TNK2: variants seen among roughly 807,000 people sequenced by gnomAD.
TNK2 encodes tyrosine kinase non receptor 2, also known as activated CDC42 kinase 1.
In TNK2, 83 loss-of-function variants were observed where a neutral mutation model predicts 101.8. The ratio of observed to expected loss-of-function variants is 0.82; its 90% CI spans 0.68 to 0.98. TNK2 has a LOEUF of 0.98. Ranked by LOEUF, TNK2 falls within the 50% of genes least tolerant of loss-of-function variation. TNK2 has a pLI of 0.00. For missense variants in TNK2, 1,665 were observed against 1,483.2 expected (o/e 1.12, Z -2.01); for synonymous variants, 804 against 633.0 (o/e 1.27, Z -4.06).
chr3:195,902,630 CA>C (rs371118941), intron 1 of TNK2, among the ~76,000 whole-genome samples: 13 of 89,856 alleles, frequency 1.4e-4, no homozygotes, highest in Non-Finnish European at 3.1e-4. Context: ...AAAAAAAAAA[CA>C]AAAAAAAACA....
intron 1 of TNK2, among the ~76,000 whole-genome samples, chr3:195,903,406 AC>A (rs1761423517): frequency 6.6e-6 from 1 of 152,174 alleles, no homozygotes; most frequent in Admixed American, 6.5e-5. Context: ...CAAGGTATCT[AC>A]CCTTCTATTC....
intron 9 of TNK2, among the ~76,000 whole-genome samples, chr3:195,873,202 G>A (rs1388026586): frequency 6.6e-6 from 1 of 152,200 alleles, no homozygotes; most frequent in African/African-American, 2.4e-5. Flanking sequence ...CAGACAGTAG[G>A]GCTGCCAGTC....
intron 9 of TNK2, among the ~76,000 whole-genome samples, chr3:195,873,282 A>C (rs1224169089): frequency 2.0e-5 from 3 of 152,134 alleles, no homozygotes. Flanking sequence ...GGGCAGGGGC[A>C]GGGGCAGGGG....
chr3:195,890,998 A>G (rs879305497), intron 1 of TNK2, among the ~76,000 whole-genome samples: 3 of 152,098 alleles, frequency 2.0e-5, no homozygotes, highest in Non-Finnish European at 4.4e-5. Flanking sequence ...AAATATTATT[A>G]CCTTCCTCTT....
chr3:195,904,263 A>G (rs532775309), intron 1 of TNK2, among the ~76,000 whole-genome samples: 1 of 109,176 alleles, frequency 9.2e-6, no homozygotes, highest in Non-Finnish European at 1.8e-5. Context: ...CCTTGTCTTT[A>G]AAAAAAAAAA....
chr3:195,868,412 C>T lies in TNK2; in HGVS notation c.1886G>A (p.Arg629Gln), dbSNP rs374257832. 5.7e-5 allele frequency: 90 copies of T among 1,571,490 alleles called. No individual in the cohort carries two copies. Among genetic ancestry groups the T allele is most frequent in the East Asian group, 3.4e-4 (15 of 44,110 alleles). Residue 629 changes from arginine to glutamine, a missense_variant, in exon 13 of 16, where the codon CGG (arginine) becomes CAG (glutamine). Physicochemically the swap from Arg to Gln is conservative, Grantham distance 43 (BLOSUM62 1). Around this residue, in one of 3 missense-constraint regions of TNK2, gnomAD observed 1,136 missense variants for 894.9 expected, o/e 1.27. Transcript: ENST00000672887. Reference protein sequence around the residue: ...PPQSPTRALPRPLHPTPVVDW... With the variant: ...PPQSPTRALPQPLHPTPVVDW... Reference sequence around the variant, plus strand: ...CACCACAGGCGTGGGGTGCAGGGGCCGGGGCAGTGCCCGCGTGGGGCTCTG... The same window carrying T: ...CACCACAGGCGTGGGGTGCAGGGGCTGGGGCAGTGCCCGCGTGGGGCTCTG...
intron 9 of TNK2, among the ~76,000 whole-genome samples, chr3:195,874,070 G>A (rs904795703): frequency 3.0e-4 from 45 of 152,190 alleles, no homozygotes; most frequent in African/African-American, 9.9e-4. Context: ...ACGGCGGCCC[G>A]TAGAGGAGGA....
chr3:195,899,605 T>C (rs527930134), intron 1 of TNK2, among the ~76,000 whole-genome samples: 80 of 152,344 alleles, frequency 5.3e-4, no homozygotes, highest in Admixed American at 1.2e-3. Context: ...GCTGAGATTA[T>C]AGGCGTGAGC....
At chr3:195,873,027 C>T (rs778920544) in intron 9 of TNK2, among the ~76,000 whole-genome samples, 21 of 152,166 alleles carry the variant, frequency 1.4e-4, no homozygotes, top group Admixed American at 2.0e-4. Flanking sequence ...CGAATGCAGA[C>T]GCGGGAGAGT....
intron 11 of TNK2, chr3:195,869,826 G>A (rs1476320118): frequency 5.3e-6 from 3 of 567,620 alleles, no homozygotes; most frequent in Non-Finnish European, 9.4e-6. Context: ...GGATTAGGGG[G>A]AAGTGAGGAA....
Position 195,872,402 on chromosome 3 carries a change from A to G in TNK2, c.1325T>C (p.Val442Ala), listed in dbSNP as rs1170403007. 6.2e-7 allele frequency: 1 copy of G among 1,613,238 alleles called. No individual in the cohort carries two copies. The highest frequency in any genetic ancestry group is 1.7e-5 in the Admixed American group (1 of 59,986). The stretch of plus-strand genomic sequence containing the variant: ...CGACAGGCCGGCCACGGAGGTCACC[A>G]CGTTGCGAGGGAAGGGCCCCACACA... ...TLCVGPFPRN[V>A]VTSVAGLSAQ... The change falls in exon 10 of 16, where the codon GTG becomes GCG. Residue 442 changes from valine (V) to alanine (A), a missense_variant. Physicochemically the swap from Val to Ala is moderately conservative, Grantham distance 64. This residue lies in a region of TNK2 where 1,136 missense variants were observed against 894.9 expected (regional missense o/e 1.27). Transcript: ENST00000672887.
At chr3:195,871,513 C>T (rs1021596225) in intron 10 of TNK2, among the ~76,000 whole-genome samples, 1 of 152,082 alleles carries the variant, frequency 6.6e-6, no homozygotes, top group East Asian at 1.9e-4. Context: ...AACCACTGCT[C>T]GTGTGCAGGG....
chr3:195,892,819 T>TCTCTCTCC lies in TNK2; in HGVS notation c.-18-4221_-18-4214dup, dbSNP rs1212968200. ...GGCCGCCCTCCCTCTTGCCTGCCTCTCTCTCTCCCTCTCTCCCTCCCTCCC... is the reference window on the plus strand; with the variant it reads ...GGCCGCCCTCCCTCTTGCCTGCCTCTCTCTCTCCCTCTCTCCCTCTCTCCCTCCCTCCC... On this transcript the variant is annotated intron_variant, in intron 1 of 15. Coordinates refer to ENST00000672887, the MANE Select transcript of TNK2 (RefSeq NM_001382273.1). 447 of 889,486 alleles carry TCTCTCTCC rather than the reference T, an allele frequency of 5.0e-4. 1 individual carries two copies. The highest frequency in any genetic ancestry group is 3.6e-3 in the Middle Eastern group (8 of 2,208). 55.1% of individuals were successfully genotyped at this position (889,486 alleles called of 1,614,324 possible).
chr3:195,870,887 G>T (rs144183552), intron 10 of TNK2, among the ~76,000 whole-genome samples: 9 of 152,330 alleles, frequency 5.9e-5, no homozygotes, highest in African/African-American at 1.9e-4. Flanking sequence ...GTGAGCTTGG[G>T]GTTCCAGTGT....
In TNK2 at chr3:195,886,505, G is replaced by A. The variant is rs1367739146; in HGVS notation, c.234+472C>T. ...GACCCAAATTAGGACAAGGTGTGGG[G>A]AGAGGTGGGGACAGGCTGTGGGGAA... On this transcript the variant is annotated intron_variant, in intron 3 of 15. Coordinates refer to ENST00000672887, the MANE Select transcript of TNK2 (RefSeq NM_001382273.1). The surrounding 1 kb of genome is among the most constrained non-coding windows in gnomAD (Gnocchi z 4.2). Among the ~76,000 whole-genome samples the A allele has an allele frequency of 6.6e-6, 1 of 152,168 alleles. No individual in the cohort carries two copies. The highest frequency in any genetic ancestry group is 2.4e-5 in the African/African-American group (1 of 41,446).
At chr3:195,889,730 A>C (rs1757595157) in intron 1 of TNK2, among the ~76,000 whole-genome samples, 1 of 152,132 alleles carries the variant, frequency 6.6e-6, no homozygotes, top group South Asian at 2.1e-4. Flanking sequence ...CCAGATAAAG[A>C]AGCTGGTGGC....
chr3:195,893,565 GT>G (rs1759444181), intron 1 of TNK2, among the ~76,000 whole-genome samples: 1 of 152,084 alleles, frequency 6.6e-6, no homozygotes, highest in South Asian at 2.1e-4. Context: ...TCAAGCCCCC[GT>G]GGGGCCCTCA....
chr3:195,893,713 CCTG>C (rs1759511599), intron 1 of TNK2, among the ~76,000 whole-genome samples: 1 of 152,102 alleles, frequency 6.6e-6, no homozygotes, highest in African/African-American at 2.4e-5. Context: ...CACCCCCCTC[CCTG>C]CTGAGCCATG....
At chr3:195,891,656 ACC>A (rs139172714) in intron 1 of TNK2, among the ~76,000 whole-genome samples, 1 of 147,276 alleles carries the variant, frequency 6.8e-6, no homozygotes, top group South Asian at 2.2e-4. Context: ...GAGCAAAGTG[ACC>A]CCCCCCCTCC....
Sources: allele counts gnomAD v4.1 joint callset (sites outside exome capture counted in the v4.1 genomes callset), GRCh38; gene constraint gnomAD v4.1.1; regional missense constraint gnomAD v4.1.1; non-coding constraint Gnocchi (gnomAD v3.1); transcripts MANE v1.5; gene names NCBI Gene and HGNC (gene_info 2026-07-23, HGNC 2026-07-21).